The following VPS13A variants were observed in gnomAD, a reference collection of about 807,000 sequenced individuals.
VPS13A encodes the protein intermembrane lipid transfer protein VPS13A.
Under a neutral mutation model 390.9 loss-of-function variants are expected in VPS13A, and 264 were observed. The observed-to-expected ratio is 0.68, with a 90% CI of 0.61 to 0.75. The LOEUF (loss-of-function observed/expected upper bound fraction) is 0.75, where lower values mean the gene tolerates loss of function less well. Ranked by LOEUF, VPS13A falls within the 30% of genes least tolerant of loss-of-function variation. VPS13A has a pLI of 0.00. For missense variants in VPS13A, 3,409 were observed against 3,733.9 expected, an observed-to-expected ratio of 0.91 and a Z score of 2.27; for synonymous variants, 1,231 against 1,227.1, an observed-to-expected ratio of 1.00 and a Z score of -0.07.
At chr9:77,409,262 T>C (rs982888269) in intron 71 of VPS13A, among the ~76,000 whole-genome samples, 1 of 152,026 alleles carries the variant, frequency 6.6e-6, no homozygotes, top group Non-Finnish European at 1.5e-5. Flanking sequence ...GGAAAACTAA[T>C]AAACAGAAAG....
chr9:77,397,480 T>A (rs547904715), intron 68 of VPS13A, among the ~76,000 whole-genome samples: 30 of 152,324 alleles, frequency 2.0e-4, no homozygotes, highest in Admixed American at 3.9e-4. Flanking sequence ...CATTCTTTGG[T>A]TGGGACTTAA....
chr9:77,345,177 TG>T (rs1438685948), intron 52 of VPS13A, 35 bp downstream of exon 52: 12 of 1,608,068 alleles, frequency 7.5e-6, no homozygotes, highest in African/African-American at 1.3e-5. Context: ...CTCTTGATGG[TG>T]TAAGTCTAGA....
At chr9:77,358,528 G>A (rs775061247) in intron 57 of VPS13A, 90 bp downstream of exon 57, 12 of 1,151,518 alleles carry the variant, frequency 1.0e-5, no homozygotes, top group Non-Finnish European at 1.5e-5. Context: ...AACCATTCTT[G>A]GGTTTAATTT....
chr9:77,393,153 G>A (rs1037538002), intron 68 of VPS13A, among the ~76,000 whole-genome samples: 1 of 152,120 alleles, frequency 6.6e-6, no homozygotes, highest in African/African-American at 2.4e-5. Flanking sequence ...AATCTTCCCC[G>A]ATAATAGATT....
At chr9:77,378,325 T>C (rs1423957730) in intron 67 of VPS13A, among the ~76,000 whole-genome samples, 1 of 152,214 alleles carries the variant, frequency 6.6e-6, no homozygotes, top group African/African-American at 2.4e-5. Flanking sequence ...AAATTCACTC[T>C]CTTTACTTGG....
At chr9:77,399,090 C>T (rs868130267) in intron 68 of VPS13A, among the ~76,000 whole-genome samples, 2 of 137,824 alleles carry the variant, frequency 1.5e-5, no homozygotes, top group Middle Eastern at 3.5e-3. Context: ...GTGGGTGCAG[C>T]GCACCAGCAT....
At position 77,321,765 on chromosome 9, in the gene VPS13A, A is replaced by G. The variant is rs754010451; in HGVS notation, c.5830+19A>G. The G allele has an allele frequency of 1.9e-6, 3 of 1,612,582 alleles. No individual in the cohort carries two copies. The South Asian group carries it at 3.3e-5, about 18-fold the overall frequency. On this transcript the variant is annotated intron_variant, in intron 44 of 71. Transcript: ENST00000360280. ...CTTCTTAGTAAGTAGTTGAAAAATT[A>G]CCTTCCTGGGGCTATTTTGTTTTAA...
intron 46 of VPS13A, among the ~76,000 whole-genome samples, chr9:77,336,072 TG>T (rs1248497117): frequency 1.3e-5 from 2 of 152,114 alleles, no homozygotes; most frequent in Admixed American, 1.3e-4. Context: ...TGGGTGAAGC[TG>T]GAAACCATTC....
intron 41 of VPS13A, 64 bp downstream of exon 41, chr9:77,318,655 G>C: frequency 7.8e-7 from 1 of 1,283,058 alleles, no homozygotes; most frequent in Non-Finnish European, 1.1e-6. Context: ...GACAGATAAT[G>C]ATACATATGG....
chr9:77,306,401 A>AGAGAGAGT (rs550279922), intron 34 of VPS13A, among the ~76,000 whole-genome samples: 25 of 107,788 alleles, frequency 2.3e-4, no homozygotes, highest in African/African-American at 8.4e-4. Context: ...AGAGAGAGAG[A>AGAGAGAGT]GTGTGTGTGT....
intron 31 of VPS13A, among the ~76,000 whole-genome samples, chr9:77,288,274 T>C (rs917083746): frequency 5.3e-5 from 8 of 152,232 alleles, no homozygotes; most frequent in African/African-American, 1.7e-4. Context: ...GAATGTTCTC[T>C]GTTTTTAATT....
intron 16 of VPS13A, among the ~76,000 whole-genome samples, chr9:77,227,722 A>T (rs1457615624): frequency 2.1e-5 from 3 of 146,236 alleles, no homozygotes; most frequent in Admixed American, 6.8e-5. Context: ...TTTGATAGAG[A>T]TGGGGTTTCG....
intron 22 of VPS13A, among the ~76,000 whole-genome samples, chr9:77,256,101 C>G (rs1825430209): frequency 6.6e-6 from 1 of 151,532 alleles, no homozygotes; most frequent in African/African-American, 2.4e-5. Context: ...GATTTTAGGT[C>G]TTTCTTCTTT....
At chr9:77,372,047 A>G (rs928477638) in intron 67 of VPS13A, among the ~76,000 whole-genome samples, 2 of 149,900 alleles carry the variant, frequency 1.3e-5, no homozygotes, top group Non-Finnish European at 3.0e-5. Context: ...AATCCAGTCT[A>G]TCATTGTTGG....
At chr9:77,300,886 C>G (rs1828305915) in intron 33 of VPS13A, among the ~76,000 whole-genome samples, 1 of 152,228 alleles carries the variant, frequency 6.6e-6, no homozygotes, top group African/African-American at 2.4e-5. Flanking sequence ...ATGGCACATG[C>G]CAATCATCTA....
chr9:77,313,050 G>A (rs1470678056), intron 35 of VPS13A, among the ~76,000 whole-genome samples: 2 of 152,098 alleles, frequency 1.3e-5, no homozygotes, highest in Non-Finnish European at 2.9e-5. Context: ...TCAATAGGAG[G>A]ATAAACTATT....
intron 16 of VPS13A, 41 bp downstream of exon 16, chr9:77,227,526 T>A (rs1823584318): frequency 2.8e-6 from 4 of 1,445,090 alleles, no homozygotes; most frequent in Non-Finnish European, 3.8e-6. Context: ...ATATATTTAT[T>A]TATTTATTTG....
intron 68 of VPS13A, among the ~76,000 whole-genome samples, chr9:77,399,295 A>T (rs1203794286): frequency 2.0e-5 from 3 of 150,916 alleles, no homozygotes; most frequent in Non-Finnish European, 4.4e-5. Flanking sequence ...AAGGTTTTGG[A>T]TGGAAAGCAT....
At chr9:77,324,216 G>T (rs1304187726) in intron 45 of VPS13A, among the ~76,000 whole-genome samples, 1 of 151,924 alleles carries the variant, frequency 6.6e-6, no homozygotes, top group Non-Finnish European at 1.5e-5. Context: ...AGATAGTTAT[G>T]ATAGCTGCAA....
Sources: gnomAD v4.1 joint callset for allele counts (sites outside exome capture counted in the v4.1 genomes callset) on GRCh38, gnomAD v4.1.1 for gene constraint, MANE v1.5 for transcripts, NCBI Gene and HGNC (gene_info 2026-07-23, HGNC 2026-07-21) for gene names.